Variants in PPM1B observed in about 807,000 individuals in gnomAD.
PPM1B encodes protein phosphatase, Mg2+/Mn2+ dependent 1B, also known as protein phosphatase 1B.
Under a neutral mutation model 43.0 loss-of-function variants are expected in PPM1B, and 22 were observed. That is an observed-to-expected ratio of 0.51 (90% CI 0.37 to 0.73). PPM1B has a LOEUF of 0.73. Among genes scored for constraint, PPM1B ranks in the 30% least tolerant of loss-of-function variants. PPM1B has a pLI of 0.00. For missense variants in PPM1B, 632 were observed against 584.2 expected (o/e 1.08, Z -0.84); for synonymous variants, 217 against 197.9 (o/e 1.10, Z -0.81).
chr2:44,233,204 T>G, downstream of PPM1B: 1 of 924,436 alleles, frequency 1.1e-6, no homozygotes, highest in Non-Finnish European at 1.3e-6. Context: ...TTTGTGTAAT[T>G]TGGTATTTTT....
chr2:44,221,629 A>T (rs1669980604), intron 5 of PPM1B, among the ~76,000 whole-genome samples: 1 of 152,212 alleles, frequency 6.6e-6, no homozygotes, highest in Admixed American at 6.5e-5. Context: ...TATTTAAACA[A>T]AGAATTCTAG....
intron 2 of PPM1B, among the ~76,000 whole-genome samples, chr2:44,205,362 T>G (rs1444402965): frequency 6.6e-6 from 1 of 150,794 alleles, no homozygotes; most frequent in Non-Finnish European, 1.5e-5. Context: ...TGGGTGTGTG[T>G]GTGTGTGTGT....
At position 44,230,809 on chromosome 2, in the gene PPM1B, A is replaced by C; in HGVS notation, c.*91A>C. 1.3e-6 allele frequency: 2 copies of C among 1,492,038 alleles called. No individual in the cohort carries two copies. Among genetic ancestry groups the C allele is most frequent in the Admixed American group, 4.8e-5 (2 of 41,576 alleles). 92.4% of individuals were successfully genotyped at this position (1,492,038 alleles called of 1,614,324 possible). A position where few individuals can be genotyped will look rare whatever the true frequency, so the allele number is the denominator to read the frequency against. ...ATTTATATAACTGTTTTGTTATTTG[A>C]ATCTTGGAAAACTAGTTTTATTATA... On this transcript the variant is annotated 3_prime_UTR_variant, in exon 6 of 6. Coordinates refer to ENST00000282412, the MANE Select transcript of PPM1B (RefSeq NM_002706.6).
downstream of PPM1B, among the ~76,000 whole-genome samples, chr2:44,239,126 A>G (rs899501054): frequency 6.6e-6 from 1 of 150,610 alleles, no homozygotes; most frequent in Non-Finnish European, 1.5e-5. Context: ...GTGAGCTACA[A>G]ATGGATCACT....
At chr2:44,186,052 C>G (rs1189015412) in intron 1 of PPM1B, among the ~76,000 whole-genome samples, 2 of 150,526 alleles carry the variant, frequency 1.3e-5, no homozygotes, top group Non-Finnish European at 3.0e-5. Flanking sequence ...GCTTCTCATT[C>G]AAGCAGTATA....
chr2:44,200,240 A>T (rs1360590314), intron 1 of PPM1B, among the ~76,000 whole-genome samples: 1 of 152,234 alleles, frequency 6.6e-6, no homozygotes, highest in Non-Finnish European at 1.5e-5. Context: ...GCCCAAGGTC[A>T]CCTAGTTAGA....
intron 1 of PPM1B, among the ~76,000 whole-genome samples, chr2:44,184,627 C>G (rs1379290965): frequency 6.6e-6 from 1 of 152,074 alleles, no homozygotes. Context: ...TAATAGACAT[C>G]TCTAACTGAA....
At chr2:44,200,480 G>A (rs1418193849) in intron 1 of PPM1B, among the ~76,000 whole-genome samples, 1 of 152,174 alleles carries the variant, frequency 6.6e-6, no homozygotes, top group Non-Finnish European at 1.5e-5. Flanking sequence ...TGGATTTTAA[G>A]TTCAGCAAAG....
intron 1 of PPM1B, among the ~76,000 whole-genome samples, chr2:44,172,336 C>A (rs573314270): frequency 6.4e-4 from 97 of 152,286 alleles, no homozygotes; most frequent in African/African-American, 2.2e-3. Flanking sequence ...AGTGTACTGA[C>A]ATTTCACTAT....
At chr2:44,198,799 T>C (rs904076459) in intron 1 of PPM1B, among the ~76,000 whole-genome samples, 1 of 152,178 alleles carries the variant, frequency 6.6e-6, no homozygotes, top group Admixed American at 6.5e-5. Flanking sequence ...CTGTTGAAGA[T>C]TCTTACTTTT....
At chr2:44,204,706 A>G (rs1669085734) in intron 2 of PPM1B, among the ~76,000 whole-genome samples, 1 of 151,926 alleles carries the variant, frequency 6.6e-6, no homozygotes, top group South Asian at 2.1e-4. Flanking sequence ...AAAAATAGAA[A>G]AAATCGGCCG....
chr2:44,204,968 G>C (rs993148213), intron 2 of PPM1B, among the ~76,000 whole-genome samples: 2 of 151,572 alleles, frequency 1.3e-5, no homozygotes, highest in African/African-American at 4.9e-5. Flanking sequence ...ATTTAAATTA[G>C]GTATTTAACT....
In PPM1B at chr2:44,192,429, T is replaced by A. The variant is rs534987964; in HGVS notation, c.-14-8757T>A. ...TGGGGTTTCGCCATGTTGGCCAGGG[T>A]GGTCTCAAACTCCTGACCTCAGGTG... On this transcript the variant is annotated intron_variant, in intron 1 of 5. Transcript: ENST00000282412. Among the ~76,000 whole-genome samples, 380 of 152,278 alleles carry A rather than the reference T, an allele frequency of 2.5e-3. 1 individual carries two copies. Among genetic ancestry groups the A allele is most frequent in the African/African-American group, 8.6e-3 (357 of 41,558 alleles).
Position 44,177,452 on chromosome 2 carries a change from C to G in PPM1B, c.-15+8178C>G, listed in dbSNP as rs1025893298. Among the ~76,000 whole-genome samples the G allele has an allele frequency of 3.0e-4, 37 of 122,664 alleles. No individual in the cohort carries two copies. In the Middle Eastern group the frequency reaches 0.017, roughly 55 times the overall value. 80.5% of individuals were successfully genotyped at this position (122,664 alleles called of 152,430 possible). ...TTTTTTTTTGAGACGGAGTTTTGCT[C>G]TTGTTGCCCAGGCTGGAGTGTAGTG... On this transcript the variant is annotated intron_variant, in intron 1 of 5. Coordinates refer to ENST00000282412, the MANE Select transcript of PPM1B (RefSeq NM_002706.6).
chr2:44,238,656 C>A (rs1670681953), downstream of PPM1B, among the ~76,000 whole-genome samples: 1 of 151,752 alleles, frequency 6.6e-6, no homozygotes, highest in Non-Finnish European at 1.5e-5. Flanking sequence ...GAGCCAAAAT[C>A]GTGCCACTGC....
chr2:44,189,056 G>A (rs1216528760), intron 1 of PPM1B, among the ~76,000 whole-genome samples: 1 of 151,848 alleles, frequency 6.6e-6, no homozygotes, highest in Non-Finnish European at 1.5e-5. Flanking sequence ...ATTTTTTATG[G>A]AGATGAGGTT....
chr2:44,230,679 T>TC lies in PPM1B; in HGVS notation c.1401_1402insC (p.Glu468ArgfsTer10). ...GTCTTGCTGAATTAGACAGCTCTAA[T>TC]GAAGATGCAGGGACAAAGATGAGTG... On this transcript the variant is annotated frameshift_variant, in exon 6 of 6. Transcript: ENST00000282412. LOFTEE classifies it high-confidence loss of function. 1 of 1,613,678 alleles carries TC rather than the reference T, an allele frequency of 6.2e-7. No homozygotes were observed. Among genetic ancestry groups the TC allele is most frequent in the Non-Finnish European group, 8.5e-7 (1 of 1,179,610 alleles).
downstream of PPM1B, among the ~76,000 whole-genome samples, chr2:44,238,149 C>T (rs1008328023): frequency 3.9e-5 from 6 of 152,112 alleles, no homozygotes; most frequent in East Asian, 5.8e-4. Context: ...GTGATCCGCC[C>T]GCCTTGGCCT....
chr2:44,186,936 G>A (rs1473734278), intron 1 of PPM1B, among the ~76,000 whole-genome samples: 1 of 152,200 alleles, frequency 6.6e-6, no homozygotes, highest in African/African-American at 2.4e-5. Flanking sequence ...TAAGTGTACA[G>A]TTCCTATCAG....
Sources: gnomAD v4.1 joint callset for allele counts (sites outside exome capture counted in the v4.1 genomes callset) on GRCh38, gnomAD v4.1.1 for gene constraint, MANE v1.5 for transcripts, NCBI Gene and HGNC (gene_info 2026-07-23, HGNC 2026-07-21) for gene names.